The following UVRAG variants were observed in gnomAD, a reference collection of about 807,000 sequenced individuals.
UVRAG encodes the protein UV radiation resistance associated.
A neutral mutation model predicts 78.0 loss-of-function variants in UVRAG; 19 were observed. That is an observed-to-expected ratio of 0.24 (90% CI 0.17 to 0.36). UVRAG has a LOEUF of 0.36. UVRAG is among the 10% of genes least tolerant of loss of function. The probability of loss-of-function intolerance (pLI) is 1.00; values close to 1 mark genes in which losing one functional copy is unlikely to be tolerated. For missense variants in UVRAG, 740 were observed against 853.8 expected (o/e 0.87, Z 1.66); for synonymous variants, 323 against 324.6 (o/e 1.00, Z 0.05).
chr11:76,061,836 G>A (rs1328092141), intron 12 of UVRAG, among the ~76,000 whole-genome samples: 2 of 152,204 alleles, frequency 1.3e-5, no homozygotes, highest in Non-Finnish European at 2.9e-5. Context: ...ATTATATTCA[G>A]TATGTTTAGT....
chr11:75,927,001 T>TA (rs1948120621), intron 6 of UVRAG, among the ~76,000 whole-genome samples: 1 of 152,168 alleles, frequency 6.6e-6, no homozygotes, highest in Non-Finnish European at 1.5e-5. Context: ...TAGTCATTGT[T>TA]ACCGCTGTTT....
At chr11:75,910,527 A>C (rs922136439) in intron 5 of UVRAG, among the ~76,000 whole-genome samples, 2 of 129,824 alleles carry the variant, frequency 1.5e-5, no homozygotes, top group Non-Finnish European at 3.3e-5. Flanking sequence ...ATGACTATTT[A>C]TTCCTTTTTA....
At position 75,999,766 on chromosome 11, in the gene UVRAG, T is replaced by A. The variant is rs146049884; in HGVS notation, c.827-4239T>A. 8.8e-3 allele frequency among the ~76,000 whole-genome samples: 1,341 copies of A among 152,248 alleles called. 22 individuals are homozygous for A. The highest frequency in any genetic ancestry group is 0.031 in the African/African-American group (1,278 of 41,534). Reference sequence around the variant, plus strand: ...ATCAGAAAATCTGAAAGCCAAAATATTCCAAAATTTAAAACGTTTTGGGTG... The same window carrying A: ...ATCAGAAAATCTGAAAGCCAAAATAATCCAAAATTTAAAACGTTTTGGGTG... On this transcript the variant is annotated intron_variant, in intron 8 of 14. Transcript: ENST00000356136.
chr11:75,894,237 G>A (rs1947289444), intron 5 of UVRAG, among the ~76,000 whole-genome samples: 1 of 152,048 alleles, frequency 6.6e-6, no homozygotes. Flanking sequence ...CACAATCTGT[G>A]GTGAGCAACG....
intron 12 of UVRAG, among the ~76,000 whole-genome samples, chr11:76,064,668 G>T (rs1309595224): frequency 6.6e-6 from 1 of 152,002 alleles, no homozygotes; most frequent in Non-Finnish European, 1.5e-5. Context: ...CAACTCCTGA[G>T]AATTTAATAT....
At chr11:76,140,195 G>A (rs946199609) in intron 14 of UVRAG, among the ~76,000 whole-genome samples, 1 of 145,668 alleles carries the variant, frequency 6.9e-6, no homozygotes, top group South Asian at 2.3e-4. Context: ...TTAGCATTTG[G>A]GTGTTGGCAA....
chr11:76,013,353 T>A (rs1950089791), intron 11 of UVRAG, among the ~76,000 whole-genome samples: 1 of 152,168 alleles, frequency 6.6e-6, no homozygotes, highest in Admixed American at 6.5e-5. Context: ...CTTAAAAGTT[T>A]GTTGGAATTA....
intron 13 of UVRAG, among the ~76,000 whole-genome samples, chr11:76,080,459 CT>C (rs1239278863): frequency 1.3e-5 from 2 of 151,894 alleles, no homozygotes; most frequent in East Asian, 1.9e-4. Context: ...TTCTACTTAC[CT>C]TTTTATTTAT....
chr11:76,093,565 G>T (rs187105810), intron 13 of UVRAG, among the ~76,000 whole-genome samples: 85 of 152,224 alleles, frequency 5.6e-4, no homozygotes, highest in Non-Finnish European at 8.7e-4. Flanking sequence ...CCTTGAAGAG[G>T]TCCTTCACCT....
chr11:75,934,849 A>G (rs1237685959), intron 6 of UVRAG: 4 of 152,168 alleles, frequency 2.6e-5, no homozygotes, highest in East Asian at 3.9e-4. Context: ...AACAGATTAA[A>G]TGTTATAATT....
chr11:76,031,404 G>A (rs902224153), intron 12 of UVRAG, among the ~76,000 whole-genome samples: 1 of 152,210 alleles, frequency 6.6e-6, no homozygotes, highest in Non-Finnish European at 1.5e-5. Context: ...GAGGAGAAAT[G>A]TGGAAAATGA....
chr11:76,050,389 ATTCAT>A (rs1194680721), intron 12 of UVRAG, among the ~76,000 whole-genome samples: 16 of 152,234 alleles, frequency 1.1e-4, no homozygotes, highest in Admixed American at 1.0e-3. Context: ...TACTTAATAT[ATTCAT>A]TTGTTTAATC....
chr11:76,059,179 G>A (rs768164598), intron 12 of UVRAG, among the ~76,000 whole-genome samples: 1 of 152,196 alleles, frequency 6.6e-6, no homozygotes, highest in Non-Finnish European at 1.5e-5. Context: ...TTGTGGTGTT[G>A]TATCCTCACA....
intron 7 of UVRAG, among the ~76,000 whole-genome samples, chr11:75,977,356 G>A (rs189691238): frequency 1.1e-4 from 16 of 152,326 alleles, no homozygotes; most frequent in African/African-American, 3.6e-4. Flanking sequence ...TTGATTTGGG[G>A]TGGAGAGTTC....
intron 12 of UVRAG, among the ~76,000 whole-genome samples, chr11:76,022,491 G>A (rs1402953693): frequency 6.6e-6 from 1 of 151,908 alleles, no homozygotes; most frequent in Non-Finnish European, 1.5e-5. Flanking sequence ...CATATTTCTT[G>A]TTATGTCTGC....
intron 4 of UVRAG, among the ~76,000 whole-genome samples, chr11:75,887,762 T>G (rs1947119026): frequency 6.6e-6 from 1 of 152,008 alleles, no homozygotes. Context: ...TTTTGTATTT[T>G]TAGTAGAGAC....
intron 5 of UVRAG, among the ~76,000 whole-genome samples, chr11:75,910,484 T>C (rs1396692185): frequency 8.6e-5 from 13 of 150,936 alleles, no homozygotes; most frequent in African/African-American, 2.9e-4. Context: ...CTGTGTACTC[T>C]CCCCACCCCC....
At chr11:76,140,108 CCTCCCTCTCTCTCTCTCTCTCT>C (rs1565177367) in intron 14 of UVRAG, among the ~76,000 whole-genome samples, 16 of 16,482 alleles carry the variant, frequency 9.7e-4, no homozygotes, top group African/African-American at 6.7e-3. Context: ...TCCCTCCCTC[CCTCCCTCTCTCTCTCTCTCTCT>C]CTCTCTCTCT....
At chr11:75,816,815 G>A (rs988446759) in intron 1 of UVRAG, among the ~76,000 whole-genome samples, 2 of 152,208 alleles carry the variant, frequency 1.3e-5, no homozygotes, top group Non-Finnish European at 2.9e-5. Flanking sequence ...AGGTTGTAGG[G>A]GAGAGAGTGG....
Sources: allele counts gnomAD v4.1 joint callset (sites outside exome capture counted in the v4.1 genomes callset), GRCh38; gene constraint gnomAD v4.1.1; transcripts MANE v1.5; gene names NCBI Gene and HGNC (gene_info 2026-07-23, HGNC 2026-07-21).